GARNL3: variants seen among roughly 807,000 people sequenced by gnomAD.
GARNL3 encodes the protein GTPase activating Rap/RanGAP domain like 3.
Under a neutral mutation model 125.0 loss-of-function variants are expected in GARNL3, and 63 were observed. The observed-to-expected ratio is 0.50, with a 90% CI of 0.41 to 0.62. The LOEUF (loss-of-function observed/expected upper bound fraction) is 0.62, where lower values mean the gene tolerates loss of function less well. Among genes scored for constraint, GARNL3 ranks in the 20% least tolerant of loss-of-function variants. The pLI is 0.00. For synonymous variants in GARNL3, 439 were observed against 457.5 expected (o/e 0.96, Z 0.52); for missense variants, 994 against 1,244.0 (o/e 0.80, Z 3.02).
At chr9:127,327,895 A>G (rs550796563) in intron 7 of GARNL3, among the ~76,000 whole-genome samples, 1 of 152,334 alleles carries the variant, frequency 6.6e-6, no homozygotes, top group South Asian at 2.1e-4. Context: ...ATTTTGGTAT[A>G]TATGTTTGTT....
chr9:127,330,612 A>C (rs1274336992), intron 7 of GARNL3, among the ~76,000 whole-genome samples: 1 of 152,272 alleles, frequency 6.6e-6, no homozygotes, highest in Non-Finnish European at 1.5e-5. Context: ...CGCAAGTTCA[A>C]TAAAAGATTT....
chr9:127,322,830 CT>C (rs1483072811), intron 6 of GARNL3, among the ~76,000 whole-genome samples: 1 of 152,140 alleles, frequency 6.6e-6, no homozygotes, highest in Non-Finnish European at 1.5e-5. Flanking sequence ...CTGTTTCTGG[CT>C]GCTATACTGT....
At chr9:127,351,246 A>G (rs532978179) in intron 17 of GARNL3, among the ~76,000 whole-genome samples, 1 of 152,332 alleles carries the variant, frequency 6.6e-6, no homozygotes, top group African/African-American at 2.4e-5. Flanking sequence ...AACCAAAATT[A>G]CCAGGTTCCT....
chr9:127,278,751 T>C (rs2064024061), intron 1 of GARNL3, among the ~76,000 whole-genome samples: 1 of 152,160 alleles, frequency 6.6e-6, no homozygotes. Flanking sequence ...AAAATCAAGA[T>C]GTAGCAGGGC....
At chr9:127,298,168 T>C (rs377281747) in intron 2 of GARNL3, among the ~76,000 whole-genome samples, 2 of 152,160 alleles carry the variant, frequency 1.3e-5, no homozygotes, top group Non-Finnish European at 2.9e-5. Context: ...TTCCAAGTTT[T>C]TGTTTTTGGT....
intron 22 of GARNL3, among the ~76,000 whole-genome samples, chr9:127,382,070 G>A (rs888434964): frequency 6.6e-6 from 1 of 152,110 alleles, no homozygotes; most frequent in African/African-American, 2.4e-5. Flanking sequence ...GGAGGCTGGG[G>A]CGAGTGGATC....
chr9:127,333,329 C>A (rs1296959993), intron 9 of GARNL3, among the ~76,000 whole-genome samples: 1 of 152,162 alleles, frequency 6.6e-6, no homozygotes, highest in African/African-American at 2.4e-5. Flanking sequence ...GCCCTCACAG[C>A]CCTGGACAGT....
At chr9:127,226,957 A>G (rs901508902) in intron 1 of GARNL3, among the ~76,000 whole-genome samples, 3 of 152,240 alleles carry the variant, frequency 2.0e-5, no homozygotes, top group African/African-American at 4.8e-5. Context: ...TTCCGCAGTG[A>G]TGGAAACCTA....
chr9:127,252,257 A>G (rs1286611171), intron 2 of GARNL3, among the ~76,000 whole-genome samples: 1 of 152,208 alleles, frequency 6.6e-6, no homozygotes, highest in Non-Finnish European at 1.5e-5. Context: ...CTAAGAGGGT[A>G]GAGGAAAAGT....
intron 1 of GARNL3, among the ~76,000 whole-genome samples, chr9:127,269,054 A>C (rs1217223777): frequency 6.6e-6 from 1 of 152,186 alleles, no homozygotes; most frequent in Non-Finnish European, 1.5e-5. Context: ...GCTGGGGTGC[A>C]GTGGCACAGT....
intron 22 of GARNL3, among the ~76,000 whole-genome samples, chr9:127,367,904 C>T (rs933377983): frequency 1.3e-5 from 2 of 151,994 alleles, no homozygotes; most frequent in African/African-American, 2.4e-5. Context: ...ATGTAAAGCC[C>T]ACAACACATT....
intron 2 of GARNL3, among the ~76,000 whole-genome samples, chr9:127,294,313 C>A (rs1159221904): frequency 2.0e-5 from 3 of 152,030 alleles, no homozygotes; most frequent in Non-Finnish European, 4.4e-5. Context: ...TCCCACCCCT[C>A]CCCCCGGCCA....
intron 2 of GARNL3, among the ~76,000 whole-genome samples, chr9:127,248,136 C>T (rs1348453484): frequency 6.6e-6 from 1 of 152,168 alleles, no homozygotes; most frequent in Non-Finnish European, 1.5e-5. Flanking sequence ...AGAAAGTAAG[C>T]TTTTAGTTTA....
At chr9:127,344,474 A>C (rs1830031943) in intron 15 of GARNL3, 135 bp downstream of exon 15, 3 of 670,050 alleles carry the variant, frequency 4.5e-6, no homozygotes, top group Non-Finnish European at 5.4e-6. Flanking sequence ...TTGTTGTGGC[A>C]ACCACGAGTG....
At chr9:127,305,607 C>G (rs895401192) in intron 2 of GARNL3, among the ~76,000 whole-genome samples, 1 of 151,724 alleles carries the variant, frequency 6.6e-6, no homozygotes, top group African/African-American at 2.4e-5. Flanking sequence ...GGGTCTTGCT[C>G]TGTTGCCCAG....
At chr9:127,332,709 T>C (rs1189234742) in intron 8 of GARNL3, among the ~76,000 whole-genome samples, 1 of 152,152 alleles carries the variant, frequency 6.6e-6, no homozygotes, top group Non-Finnish European at 1.5e-5. Context: ...TTAGCACTTT[T>C]CGTGTTAAAT....
intron 4 of GARNL3, among the ~76,000 whole-genome samples, chr9:127,314,706 GAC>G (rs1455726309): frequency 6.6e-6 from 1 of 152,220 alleles, no homozygotes; most frequent in African/African-American, 2.4e-5. Flanking sequence ...TATGAGGAGA[GAC>G]AGAGTGGGAC....
intron 10 of GARNL3, 60 bp from the exon 11 acceptor site, chr9:127,336,068 C>T (rs2131586877): frequency 8.1e-7 from 1 of 1,230,144 alleles, no homozygotes; most frequent in Non-Finnish European, 1.2e-6. Context: ...GTTTTTTTAA[C>T]TCTGTGAATG....
In GARNL3 at chr9:127,384,878, T is replaced by G; in HGVS notation, c.2270-149T>G. On this transcript the variant is annotated intron_variant, in intron 23 of 27. Coordinates refer to ENST00000373387, the MANE Select transcript of GARNL3 (RefSeq NM_032293.5). This position sits in a 1 kb window ranked among gnomAD's most constrained non-coding sequence, Gnocchi z 4.0. Reference sequence around the variant, plus strand: ...AACCCAGGCTACCTTAGGATCAGGGTGACTTGCACATGTGAAGGAAGGAGA... The same window carrying G: ...AACCCAGGCTACCTTAGGATCAGGGGGACTTGCACATGTGAAGGAAGGAGA... 1.9e-6 allele frequency: 1 copy of G among 524,938 alleles called. No individual in the cohort carries two copies. The highest frequency in any genetic ancestry group is 3.4e-6 in the Non-Finnish European group (1 of 289,888). 32.5% of individuals were successfully genotyped at this position (524,938 alleles called of 1,614,324 possible).
Sources: allele counts gnomAD v4.1 joint callset (sites outside exome capture counted in the v4.1 genomes callset), GRCh38; gene constraint gnomAD v4.1.1; non-coding constraint Gnocchi (gnomAD v3.1); transcripts MANE v1.5; gene names NCBI Gene and HGNC (gene_info 2026-07-23, HGNC 2026-07-21).